The following DOCK10 variants were observed in gnomAD, a reference collection of about 807,000 sequenced individuals.
DOCK10 encodes the protein dedicator of cytokinesis 10.
In DOCK10, 145 loss-of-function variants were observed where a neutral mutation model predicts 280.1. The observed-to-expected ratio is 0.52, with a 90% CI of 0.45 to 0.59. The LOEUF (loss-of-function observed/expected upper bound fraction) is 0.59, where lower values mean the gene tolerates loss of function less well. Ranked by LOEUF, DOCK10 falls within the 20% of genes least tolerant of loss-of-function variation. DOCK10 has a pLI of 0.00. For synonymous variants in DOCK10, 915 were observed against 942.2 expected (o/e 0.97, Z 0.53); for missense variants, 2,368 against 2,651.7 (o/e 0.89, Z 2.35).
chr2:225,016,587 A>G (rs183773340), intron 1 of DOCK10, among the ~76,000 whole-genome samples: 5,123 of 127,114 alleles, frequency 0.04, 296 homozygotes, highest in Middle Eastern at 0.077. Flanking sequence ...ATAGATACAT[A>G]TATCTATGTG....
Position 224,864,976 on chromosome 2 carries a change from C to A in DOCK10, c.1369G>T (p.Gly457Trp). Residue 457 changes from glycine to tryptophan, a missense_variant, in exon 12 of 56, where the codon GGG becomes TGG. By Grantham distance (184) the Gly-to-Trp change is radical. Coordinates refer to ENST00000258390, the MANE Select transcript of DOCK10 (RefSeq NM_014689.3). ...NHAAVRQMLL[G>W]ASVALENGNI... ...CCATTTTCCAAAGCCACAGAAGCCC[C>A]CAAGAGCATCTGTCTGACAGCAGCA... The A allele has an allele frequency of 6.2e-7, 1 of 1,613,830 alleles. No homozygotes were observed. The highest frequency in any genetic ancestry group is 8.5e-7 in the Non-Finnish European group (1 of 1,179,860).
chr2:224,883,124 C>T (rs1296231678), intron 7 of DOCK10, among the ~76,000 whole-genome samples: 1 of 152,194 alleles, frequency 6.6e-6, no homozygotes, highest in African/African-American at 2.4e-5. Context: ...ACAGGCCCAG[C>T]TTTTTCTGTA....
Position 224,794,986 on chromosome 2 carries a change from C to G in DOCK10, c.5047G>C (p.Asp1683His). ...GAGTTTGCCAGGCTGTACTGGAGAT[C>G]CACCAGCATCTCGGGGTCCTTCTCG... ...EHEKDPEMLVDLQYSLANSYA... is the reference protein window; with the variant it reads ...EHEKDPEMLVHLQYSLANSYA... Residue 1683 changes from aspartate (D) to histidine (H), a missense_variant, in exon 45 of 56, where the codon GAT (aspartate) becomes CAT (histidine). Coordinates refer to ENST00000258390, the MANE Select transcript of DOCK10 (RefSeq NM_014689.3). 1 of 1,613,896 alleles carries G rather than the reference C, an allele frequency of 6.2e-7. No homozygotes were observed. The highest frequency in any genetic ancestry group is 1.1e-5 in the South Asian group (1 of 91,070).
chr2:224,950,557 T>C (rs1703671509), intron 1 of DOCK10, among the ~76,000 whole-genome samples: 1 of 152,184 alleles, frequency 6.6e-6, no homozygotes, highest in Non-Finnish European at 1.5e-5. Context: ...GCCAGGTTTC[T>C]GACTGGCCAT....
intron 1 of DOCK10, among the ~76,000 whole-genome samples, chr2:225,036,613 T>C (rs1690266189): frequency 6.6e-6 from 1 of 152,220 alleles, no homozygotes; most frequent in Non-Finnish European, 1.5e-5. Flanking sequence ...TGCTGGTCCT[T>C]GGACAACACT....
At chr2:225,016,654 T>TATATGTATCTATGTGC (rs1689612024) in intron 1 of DOCK10, among the ~76,000 whole-genome samples, 1 of 6,278 alleles carries the variant, frequency 1.6e-4, no homozygotes, top group African/African-American at 6.9e-4. Flanking sequence ...TGCACATAGA[T>TATATGTATCTATGTGC]ACATAGATAC....
chr2:224,778,820 T>C (rs1308365211), intron 50 of DOCK10, among the ~76,000 whole-genome samples: 1 of 152,208 alleles, frequency 6.6e-6, no homozygotes, highest in Non-Finnish European at 1.5e-5. Flanking sequence ...TAACAGAAAT[T>C]ACATGTGTTA....
intron 48 of DOCK10, among the ~76,000 whole-genome samples, chr2:224,788,817 A>G (rs1303458677): frequency 6.6e-6 from 1 of 152,172 alleles, no homozygotes; most frequent in East Asian, 1.9e-4. Context: ...AAAAGCCAAG[A>G]TTTTATCTGA....
intron 1 of DOCK10, among the ~76,000 whole-genome samples, chr2:224,989,263 AAGT>A: frequency 6.6e-6 from 1 of 152,034 alleles, no homozygotes. Context: ...TCTCTACCAC[AAGT>A]ATTCTCTGTG....
At chr2:224,983,893 G>A (rs1319512860) in intron 1 of DOCK10, 2 of 470,890 alleles carry the variant, frequency 4.2e-6, no homozygotes, top group Non-Finnish European at 8.8e-6. Context: ...CTGCCCGGGT[G>A]CTAATCTAAA....
rs555051999 is a variant in DOCK10, at chr2:224,862,418, T to C, written c.1685+246A>G. ...TGATTTGATATCTACCAAGAACCCA[T>C]AGCATATCTGGTCATGCATGCAGGG... On this transcript the variant is annotated intron_variant, in intron 14 of 55. Transcript: ENST00000258390. 1.4e-5 allele frequency: 5 copies of C among 363,690 alleles called. No homozygotes were observed. In the South Asian group the frequency reaches 2.4e-4, roughly 17 times the overall value. 22.5% of individuals were successfully genotyped at this position (363,690 alleles called of 1,614,324 possible).
Position 224,902,886 on chromosome 2 carries a change from G to C in DOCK10, c.334-6509C>G, listed in dbSNP as rs145710321. On this transcript the variant is annotated intron_variant, in intron 3 of 55. Coordinates refer to ENST00000258390, the MANE Select transcript of DOCK10 (RefSeq NM_014689.3). ...ACGCGGGCAGATCATGAGGTCAGGA[G>C]ACCGAGACCATCCTGGCTAACACAG... Among the ~76,000 whole-genome samples the C allele has an allele frequency of 7.5e-3, 1,147 of 152,090 alleles. 16 individuals are homozygous for C. Among genetic ancestry groups the C allele is most frequent in the African/African-American group, 0.024 (990 of 41,454 alleles).
intron 48 of DOCK10, among the ~76,000 whole-genome samples, chr2:224,788,103 G>C (rs1282693096): frequency 6.6e-6 from 1 of 151,556 alleles, no homozygotes; most frequent in African/African-American, 2.4e-5. Flanking sequence ...AAAAAAAAAA[G>C]TTCCCCTTCT....
At chr2:224,882,643 G>T (rs968477514) in intron 7 of DOCK10, among the ~76,000 whole-genome samples, 2 of 152,190 alleles carry the variant, frequency 1.3e-5, no homozygotes, top group Non-Finnish European at 1.5e-5. Context: ...CCCTAAGAAT[G>T]CTGGATGCTA....
chr2:225,033,145 T>C (rs1460247958), intron 1 of DOCK10, among the ~76,000 whole-genome samples: 1 of 152,016 alleles, frequency 6.6e-6, no homozygotes, highest in South Asian at 2.1e-4. Flanking sequence ...TATTTTCACA[T>C]TTAAGTTGCC....
At chr2:224,923,984 A>T (rs1448707474) in intron 2 of DOCK10, among the ~76,000 whole-genome samples, 2 of 152,354 alleles carry the variant, frequency 1.3e-5, no homozygotes, top group East Asian at 3.9e-4. Context: ...AGCAAGCCAC[A>T]TTACATCTGC....
At chr2:224,811,120 G>A (rs369656633) in intron 31 of DOCK10, among the ~76,000 whole-genome samples, 2 of 151,982 alleles carry the variant, frequency 1.3e-5, no homozygotes, top group South Asian at 2.1e-4. Flanking sequence ...AAGTGTTCCT[G>A]TTTCTCCACA....
In DOCK10 at chr2:224,905,508, C is replaced by T. The variant is rs1700571140; in HGVS notation, c.334-9131G>A. Among the ~76,000 whole-genome samples, 10 of 151,184 alleles carry T rather than the reference C, an allele frequency of 6.6e-5. No individual in the cohort carries two copies. In the South Asian group the frequency reaches 2.1e-3, roughly 32 times the overall value. ...TCATGATCCACCCGCCTCGGCCTCC[C>T]AAAGTGCTGGGATTACAGGCGTGAG... On this transcript the variant is annotated intron_variant, in intron 3 of 55. Coordinates refer to ENST00000258390, the MANE Select transcript of DOCK10 (RefSeq NM_014689.3).
At chr2:224,809,110 G>A (rs933251621) in intron 31 of DOCK10, among the ~76,000 whole-genome samples, 52 of 152,230 alleles carry the variant, frequency 3.4e-4, no homozygotes, top group African/African-American at 1.1e-3. Context: ...CTGAATTATA[G>A]AGAAAAGGCC....
Sources: gnomAD v4.1 joint callset for allele counts (sites outside exome capture counted in the v4.1 genomes callset) on GRCh38, gnomAD v4.1.1 for gene constraint, MANE v1.5 for transcripts, NCBI Gene and HGNC (gene_info 2026-07-23, HGNC 2026-07-21) for gene names.